The following PITPNC1 variants were observed in gnomAD, a reference collection of about 807,000 sequenced individuals.
PITPNC1 encodes cytoplasmic phosphatidylinositol transfer protein 1.
A neutral mutation model predicts 44.7 loss-of-function variants in PITPNC1; 18 were observed. The observed-to-expected ratio is 0.40, with a 90% confidence interval of 0.28 to 0.60. PITPNC1 has a LOEUF of 0.60. Ranked by LOEUF, PITPNC1 falls within the 20% of genes least tolerant of loss-of-function variation. The pLI is 0.39. For missense variants in PITPNC1, 290 were observed against 418.4 expected (o/e 0.69, Z 2.68); for synonymous variants, 141 against 149.6 (o/e 0.94, Z 0.42).
chr17:67,555,917 A>T (rs1327696820), intron 4 of PITPNC1, among the ~76,000 whole-genome samples: 1 of 152,204 alleles, frequency 6.6e-6, no homozygotes, highest in East Asian at 1.9e-4. Flanking sequence ...ATCATGCTAG[A>T]TGGCATAACT....
chr17:67,617,363 A>G (rs1281085335), intron 5 of PITPNC1, among the ~76,000 whole-genome samples: 1 of 152,186 alleles, frequency 6.6e-6, no homozygotes, highest in African/African-American at 2.4e-5. Context: ...AAAATTAGCC[A>G]GGCATAGTGG....
In PITPNC1 at chr17:67,387,621, G is replaced by T. The variant is rs534044219; in HGVS notation, c.48+9419G>T. Reference sequence around the variant, plus strand: ...GTGGAAGTTGCAGTGAGCTGAGATCGAGGCTGCACTCCAGCCTGGCTGACA... The same window carrying T: ...GTGGAAGTTGCAGTGAGCTGAGATCTAGGCTGCACTCCAGCCTGGCTGACA... On this transcript the variant is annotated intron_variant, in intron 1 of 8. Coordinates refer to ENST00000581322, the MANE Select transcript of PITPNC1 (RefSeq NM_012417.4). Among the ~76,000 whole-genome samples the T allele has an allele frequency of 6.1e-4, 93 of 152,292 alleles. 1 individual carries two copies. The highest frequency in any genetic ancestry group is 2.2e-3 in the African/African-American group (92 of 41,554).
intron 1 of PITPNC1, among the ~76,000 whole-genome samples, chr17:67,473,478 G>A (rs1009718636): frequency 1.3e-5 from 2 of 151,898 alleles, no homozygotes; most frequent in African/African-American, 2.4e-5. Context: ...ACAGGCGCCC[G>A]CCACTACATC....
chr17:67,388,051 G>T (rs1266633795), intron 1 of PITPNC1, among the ~76,000 whole-genome samples: 1 of 152,196 alleles, frequency 6.6e-6, no homozygotes, highest in Non-Finnish European at 1.5e-5. Context: ...TGAATGAATG[G>T]ATAGGAAGAA....
intron 3 of PITPNC1, among the ~76,000 whole-genome samples, chr17:67,552,775 G>A (rs544925156): frequency 2.1e-5 from 3 of 144,098 alleles, no homozygotes; most frequent in Admixed American, 7.1e-5. Context: ...GCCACTGCAC[G>A]CCAGCCTGGG....
chr17:67,378,137 T>C lies in PITPNC1; in HGVS notation c.-18T>C, dbSNP rs1292051202. On this transcript the variant is annotated 5_prime_UTR_variant, in exon 1 of 9. Coordinates refer to ENST00000581322, the MANE Select transcript of PITPNC1 (RefSeq NM_012417.4). ...CGCCCCCCGCTTCCCGCCCCGGGGG[T>C]CCGCGGCCGGCAGGACCATGCTGCT... 3 of 1,527,336 alleles carry C rather than the reference T, an allele frequency of 2.0e-6. No homozygotes were observed. Among genetic ancestry groups the C allele is most frequent in the Non-Finnish European group, 2.6e-6 (3 of 1,138,738 alleles). 94.6% of individuals were successfully genotyped at this position (1,527,336 alleles called of 1,614,324 possible). A position where few individuals can be genotyped will look rare whatever the true frequency, so the allele number is the denominator to read the frequency against.
intron 8 of PITPNC1, among the ~76,000 whole-genome samples, chr17:67,690,767 T>C (rs567244165): frequency 6.6e-6 from 1 of 152,128 alleles, no homozygotes; most frequent in African/African-American, 2.4e-5. Flanking sequence ...CAAGTAAAAA[T>C]GGCAAAGGAT....
intron 2 of PITPNC1, among the ~76,000 whole-genome samples, chr17:67,535,885 A>G (rs1013354193): frequency 9.2e-5 from 14 of 152,372 alleles, no homozygotes; most frequent in Middle Eastern, 6.8e-3. Context: ...TGTCATGCCC[A>G]TGGGGAACAG....
In PITPNC1 at chr17:67,631,629, AAAAACC is replaced by A. The variant is rs1391453336; in HGVS notation, c.367-509_367-504del. Among the ~76,000 whole-genome samples, 19 of 15,744 alleles carry A rather than the reference AAAAACC, an allele frequency of 1.2e-3. 1 individual carries two copies. Among genetic ancestry groups the A allele is most frequent in the Non-Finnish European group, 1.5e-3 (12 of 8,040 alleles). 10.3% of individuals were successfully genotyped at this position (15,744 alleles called of 152,430 possible). A position where few individuals can be genotyped will look rare whatever the true frequency, so the allele number is the denominator to read the frequency against. Reference sequence around the variant, plus strand: ...GGGCGAAAGAGTGAGACTCCGTCTCAAAAACCAAAAAAAAAAAAAAAAAAAAAAATA... The same window carrying A: ...GGGCGAAAGAGTGAGACTCCGTCTCAAAAAAAAAAAAAAAAAAAAAAAATA... On this transcript the variant is annotated intron_variant, in intron 5 of 8. Coordinates refer to ENST00000581322, the MANE Select transcript of PITPNC1 (RefSeq NM_012417.4).
chr17:67,430,821 G>T (rs2038845664), intron 1 of PITPNC1, among the ~76,000 whole-genome samples: 1 of 151,790 alleles, frequency 6.6e-6, no homozygotes. Context: ...ATATGCAGTG[G>T]CATGTGTCTG....
intron 1 of PITPNC1, among the ~76,000 whole-genome samples, chr17:67,396,783 T>C (rs575825365): frequency 6.6e-6 from 1 of 151,962 alleles, no homozygotes; most frequent in African/African-American, 2.4e-5. Context: ...GCCTCCTGAA[T>C]AGCTGGGACC....
chr17:67,561,262 C>T (rs1261912774), intron 4 of PITPNC1, among the ~76,000 whole-genome samples: 1 of 152,134 alleles, frequency 6.6e-6, no homozygotes, highest in African/African-American at 2.4e-5. Context: ...TCAAGGCAAG[C>T]CTGGCCAACA....
At chr17:67,557,905 C>T (rs2040859980) in intron 4 of PITPNC1, among the ~76,000 whole-genome samples, 1 of 152,232 alleles carries the variant, frequency 6.6e-6, no homozygotes, top group Non-Finnish European at 1.5e-5. Flanking sequence ...TGCCTCAAAG[C>T]AAAACTTCCC....
intron 1 of PITPNC1, among the ~76,000 whole-genome samples, chr17:67,450,559 G>A (rs1449083628): frequency 1.3e-5 from 2 of 152,004 alleles, no homozygotes; most frequent in African/African-American, 4.8e-5. Context: ...TCGAGTAGCT[G>A]GGACTACAGG....
chr17:67,547,484 C>G (rs530196285), intron 2 of PITPNC1, among the ~76,000 whole-genome samples: 2 of 152,110 alleles, frequency 1.3e-5, no homozygotes, highest in African/African-American at 4.8e-5. Context: ...CCACTGTACT[C>G]CAGCCTGGGC....
chr17:67,466,262 T>C (rs905130796), intron 1 of PITPNC1, among the ~76,000 whole-genome samples: 4 of 151,862 alleles, frequency 2.6e-5, no homozygotes, highest in African/African-American at 9.7e-5. Context: ...CTGGCCTCAA[T>C]TGATCCTACT....
At chr17:67,467,614 T>A (rs1256099758) in intron 1 of PITPNC1, among the ~76,000 whole-genome samples, 1 of 152,142 alleles carries the variant, frequency 6.6e-6, no homozygotes. Context: ...TCTAATGAGA[T>A]CTGCTTTGCC....
intron 6 of PITPNC1, among the ~76,000 whole-genome samples, chr17:67,645,030 G>A (rs1385032102): frequency 6.6e-6 from 1 of 152,058 alleles, no homozygotes; most frequent in Non-Finnish European, 1.5e-5. Flanking sequence ...CTTTTTTCAT[G>A]CCTTGACAGG....
chr17:67,425,193 G>GCGCACA (rs1160522771), intron 1 of PITPNC1, among the ~76,000 whole-genome samples: 14 of 52,122 alleles, frequency 2.7e-4, no homozygotes, highest in African/African-American at 1.1e-3. Context: ...TTGTGCGCGC[G>GCGCACA]CACGCACACG....
Sources: allele counts gnomAD v4.1 joint callset (sites outside exome capture counted in the v4.1 genomes callset), GRCh38; gene constraint gnomAD v4.1.1; transcripts MANE v1.5; gene names NCBI Gene and HGNC (gene_info 2026-07-23, HGNC 2026-07-21).